The following TEC variants were observed in gnomAD, a reference collection of about 807,000 sequenced individuals.
TEC encodes tec protein tyrosine kinase.
Under a neutral mutation model 93.0 loss-of-function variants are expected in TEC, and 72 were observed. That is an observed-to-expected ratio of 0.77 (90% CI 0.64 to 0.94). TEC has a LOEUF of 0.94. Among genes scored for constraint, TEC ranks in the 40% least tolerant of loss-of-function variants. The probability of loss-of-function intolerance (pLI) is 0.00; values close to 1 mark genes in which losing one functional copy is unlikely to be tolerated. For missense variants in TEC, 630 were observed against 757.9 expected, an observed-to-expected ratio of 0.83 and a Z score of 1.98; for synonymous variants, 249 against 247.7, an observed-to-expected ratio of 1.01 and a Z score of -0.05.
At chr4:48,184,033 TTTATTA>T (rs1721702581) in intron 2 of TEC, among the ~76,000 whole-genome samples, 1 of 152,170 alleles carries the variant, frequency 6.6e-6, no homozygotes, top group African/African-American at 2.4e-5. Flanking sequence ...GTTATGGACT[TTTATTA>T]TTAAAAAAAA....
intron 2 of TEC, among the ~76,000 whole-genome samples, chr4:48,178,944 C>T (rs555132177): frequency 3.1e-4 from 47 of 152,280 alleles, no homozygotes; most frequent in Admixed American, 1.3e-4. Context: ...AGGCTGTTAT[C>T]GAAAACATTA....
intron 2 of TEC, among the ~76,000 whole-genome samples, chr4:48,216,523 A>C (rs1261923869): frequency 6.6e-6 from 1 of 152,150 alleles, no homozygotes; most frequent in African/African-American, 2.4e-5. Context: ...AAAAAATGCA[A>C]GAAGTTACAT....
intron 3 of TEC, among the ~76,000 whole-genome samples, chr4:48,175,502 G>A (rs1721286484): frequency 6.6e-6 from 1 of 152,190 alleles, no homozygotes; most frequent in South Asian, 2.1e-4. Flanking sequence ...ACATTCCTGA[G>A]TTCTCAAGGC....
intron 2 of TEC, among the ~76,000 whole-genome samples, chr4:48,205,907 T>G (rs1173961778): frequency 6.6e-6 from 1 of 152,162 alleles, no homozygotes; most frequent in Non-Finnish European, 1.5e-5. Flanking sequence ...CGGTTCTATT[T>G]CCAGTAGCCA....
intron 2 of TEC, among the ~76,000 whole-genome samples, chr4:48,221,265 C>T (rs1363890867): frequency 2.6e-5 from 4 of 152,152 alleles, no homozygotes; most frequent in East Asian, 1.9e-4. Context: ...TAATCCCCAA[C>T]GTGTTGTGGG....
In TEC at chr4:48,194,310, C is replaced by T. The variant is rs1577741430; in HGVS notation, c.139-18124G>A. ...AGTGGAGGGCACAGAGGCATGCACA[C>T]AATTATGGACTGGAAATATAAATTA... On this transcript the variant is annotated intron_variant, in intron 2 of 17. Coordinates refer to ENST00000381501, the MANE Select transcript of TEC (RefSeq NM_003215.3). Among the ~76,000 whole-genome samples the T allele has an allele frequency of 2.0e-5, 3 of 152,324 alleles. No homozygotes were observed. The Middle Eastern group carries it at 0.01, about 518-fold the overall frequency.
chr4:48,236,918 AT>A (rs1334107981), intron 1 of TEC, among the ~76,000 whole-genome samples: 2 of 152,314 alleles, frequency 1.3e-5, no homozygotes, highest in Non-Finnish European at 1.5e-5. Context: ...AAAACAAATA[AT>A]TTTTTATGGA....
rs1468638189 is a variant in TEC at position 48,255,818 on chromosome 4, CA to C, written c.-46+13933del. Among the ~76,000 whole-genome samples the C allele has an allele frequency of 5.4e-3, 817 of 152,156 alleles. 10 individuals carry two copies. The highest frequency in any genetic ancestry group is 0.018 in the African/African-American group (765 of 41,488). ...ATCAATCAATGGCAGCTATTATTAT[CA>C]AAATAACAATAATGACAATTAGTAT... On this transcript the variant is annotated intron_variant, in intron 1 of 17. Coordinates refer to ENST00000381501, the MANE Select transcript of TEC (RefSeq NM_003215.3).
chr4:48,250,411 T>C (rs1461080079), intron 1 of TEC, among the ~76,000 whole-genome samples: 1 of 152,214 alleles, frequency 6.6e-6, no homozygotes, highest in African/African-American at 2.4e-5. Flanking sequence ...CATATCTCCT[T>C]GTATCTTTTC....
chr4:48,269,044 C>G (rs1248647173), intron 1 of TEC, among the ~76,000 whole-genome samples: 1 of 147,302 alleles, frequency 6.8e-6, no homozygotes, highest in Admixed American at 6.8e-5. Context: ...CCAAGAAGTA[C>G]ATACATTGGC....
Position 48,228,550 on chromosome 4 carries a change from G to A in TEC, c.65C>T (p.Ser22Leu), listed in dbSNP as rs772497479. 6 of 1,613,614 alleles carry A rather than the reference G, an allele frequency of 3.7e-6. No individual in the cohort carries two copies. The highest frequency in any genetic ancestry group is 2.7e-5 in the African/African-American group (2 of 74,884). The change falls in exon 2 of 18, where the codon TCG (serine) becomes TTG (leucine). Residue 22 changes from serine to leucine, a missense_variant. Transcript: ENST00000381501. The stretch of plus-strand genomic sequence containing the variant: ...AAGTCTCTCTTTGTAGTTTAAGGGC[G>A]ATGTCTTCTTTTTCTGCTGTGACCT... ...IKRSQQKKKT[S>L]PLNYKERLFV...
At chr4:48,159,432 G>A (rs541447951) in intron 8 of TEC, among the ~76,000 whole-genome samples, 9 of 152,180 alleles carry the variant, frequency 5.9e-5, no homozygotes, top group Middle Eastern at 3.4e-3. Context: ...TTGCTCTTTC[G>A]CCCAGGCTGG....
intron 1 of TEC, among the ~76,000 whole-genome samples, chr4:48,244,446 T>A (rs914313235): frequency 1.3e-5 from 2 of 152,150 alleles, no homozygotes; most frequent in Non-Finnish European, 2.9e-5. Context: ...TTTATAATCA[T>A]CAGATCTTGT....
intron 7 of TEC, among the ~76,000 whole-genome samples, chr4:48,166,773 C>A (rs1183559455): frequency 6.6e-6 from 1 of 151,710 alleles, no homozygotes; most frequent in Non-Finnish European, 1.5e-5. Context: ...TTCCTGTAAA[C>A]ATGGAATAAA....
chr4:48,160,401 A>G (rs1040264562), intron 8 of TEC, among the ~76,000 whole-genome samples: 1 of 152,172 alleles, frequency 6.6e-6, no homozygotes, highest in African/African-American at 2.4e-5. Context: ...GCAGCAGTCC[A>G]GAGACAGGAG....
intron 14 of TEC, among the ~76,000 whole-genome samples, chr4:48,142,820 ACAGGCGTCTGCCAC>A (rs1719738659): frequency 6.6e-6 from 1 of 152,012 alleles, no homozygotes; most frequent in Non-Finnish European, 1.5e-5. Context: ...AGCTGGGACT[ACAGGCGTCTGCCAC>A]CACGCCTGGC....
chr4:48,202,977 T>G (rs1358346853), intron 2 of TEC, among the ~76,000 whole-genome samples: 1 of 152,232 alleles, frequency 6.6e-6, no homozygotes, highest in Non-Finnish European at 1.5e-5. Context: ...TTCACTTCAC[T>G]TGAGAACTGA....
At chr4:48,171,320 T>C in intron 4 of TEC, 48 bp downstream of exon 4, 1 of 1,478,730 alleles carries the variant, frequency 6.8e-7, no homozygotes, top group Non-Finnish European at 9.3e-7. Context: ...GATAACAATA[T>C]TACATCTCCT....
In TEC at chr4:48,228,474, T is replaced by A. The variant is rs370084986; in HGVS notation, c.138+3A>T. On this transcript the variant is annotated splice_donor_region_variant and intron_variant, in intron 2 of 17. Coordinates refer to ENST00000381501, the MANE Select transcript of TEC (RefSeq NM_003215.3). The stretch of plus-strand genomic sequence containing the variant: ...AGAAAAGTAAATCGTGATTGTCTCT[T>A]ACCTCTGCTCGACCCTCATAGTAGG... 3.8e-6 allele frequency: 6 copies of A among 1,592,252 alleles called. No individual in the cohort carries two copies. Among genetic ancestry groups the A allele is most frequent in the African/African-American group, 2.7e-5 (2 of 73,614 alleles).
Sources: gnomAD v4.1 joint callset for allele counts (sites outside exome capture counted in the v4.1 genomes callset) on GRCh38, gnomAD v4.1.1 for gene constraint, MANE v1.5 for transcripts, NCBI Gene and HGNC (gene_info 2026-07-23, HGNC 2026-07-21) for gene names.